CATSPERT: variants seen among roughly 807,000 people sequenced by gnomAD.
CATSPERT encodes the protein catsper channel auxiliary subunit tau, also known as cation channel sperm-associated targeting subunit tau.
At chr2:201,502,340 G>A in the CATSPERT span, among the ~76,000 whole-genome samples, 6 of 152,086 alleles carry the variant, frequency 3.9e-5, no homozygotes, top group Admixed American at 3.3e-4. Flanking sequence ...TTGGGAGGCC[G>A]ACATGGGAGG....
the CATSPERT span, among the ~76,000 whole-genome samples, chr2:201,563,135 G>A: frequency 1.7e-5 from 1 of 59,970 alleles, no homozygotes; most frequent in Non-Finnish European, 3.7e-5. Flanking sequence ...GCGGCTGGCC[G>A]GGCGGGGGGC....
At chr2:201,602,181 T>A in the CATSPERT span, among the ~76,000 whole-genome samples, 1 of 152,110 alleles carries the variant, frequency 6.6e-6, no homozygotes, top group Non-Finnish European at 1.5e-5. Context: ...ATATGCAATA[T>A]ATAGTTGAAA....
chr2:201,566,363 C>G, the CATSPERT span, among the ~76,000 whole-genome samples: 6 of 101,770 alleles, frequency 5.9e-5, no homozygotes, highest in East Asian at 1.1e-3. Context: ...CCCCTCCCCC[C>G]ACCCCTCACA....
At chr2:201,592,192 G>A in the CATSPERT span, among the ~76,000 whole-genome samples, 279 of 152,170 alleles carry the variant, frequency 1.8e-3, 1 homozygote, top group Non-Finnish European at 3.2e-3. Flanking sequence ...TAGCATGAAA[G>A]GTTGTTGAAT....
At chr2:201,494,565 G>T in the CATSPERT span, 1 of 1,536,944 alleles carries the variant, frequency 6.5e-7, no homozygotes, top group South Asian at 1.2e-5. Flanking sequence ...TAGGGTCATG[G>T]GCCCAGGTTG....
the CATSPERT span, among the ~76,000 whole-genome samples, chr2:201,563,411 G>C: frequency 1.8e-5 from 2 of 108,982 alleles, no homozygotes; most frequent in African/African-American, 3.4e-5. Flanking sequence ...CTGGCCGGGC[G>C]GGGGGCTGAC....
the CATSPERT span, chr2:201,603,122 T>C: frequency 4.6e-4 from 442 of 963,948 alleles, 1 homozygote; most frequent in African/African-American, 6.1e-3. Context: ...AAATGGTCAA[T>C]GTGTTAAGCC....
the CATSPERT span, among the ~76,000 whole-genome samples, chr2:201,515,825 GACTC>G: frequency 6.6e-6 from 1 of 152,168 alleles, no homozygotes; most frequent in Non-Finnish European, 1.5e-5. Context: ...AAATGGCAAG[GACTC>G]CTCTACATGT....
the CATSPERT span, among the ~76,000 whole-genome samples, chr2:201,526,412 G>A: frequency 6.6e-6 from 1 of 152,122 alleles, no homozygotes; most frequent in Non-Finnish European, 1.5e-5. Flanking sequence ...CAGCTACTCA[G>A]GAGGCTGAGG....
the CATSPERT span, among the ~76,000 whole-genome samples, chr2:201,572,679 G>GT: frequency 6.6e-6 from 1 of 151,816 alleles, no homozygotes; most frequent in African/African-American, 2.4e-5. Context: ...CACAAAAGGA[G>GT]TAAACAATTA....
chr2:201,494,142 G>C, the CATSPERT span: 1 of 1,532,450 alleles, frequency 6.5e-7, no homozygotes, highest in African/African-American at 1.4e-5. Flanking sequence ...AAAGCCAGTT[G>C]TTTAAATCTT....
chr2:201,610,652 A>T, the CATSPERT span, among the ~76,000 whole-genome samples: 1 of 152,174 alleles, frequency 6.6e-6, no homozygotes, highest in Non-Finnish European at 1.5e-5. Context: ...AGACAAGGAT[A>T]CAACAACAAA....
At chr2:201,540,447 T>C in the CATSPERT span, among the ~76,000 whole-genome samples, 106,398 of 152,064 alleles carry the variant, frequency 0.7, 38,093 homozygotes, top group East Asian at 0.96. Flanking sequence ...TAGCTGCTGA[T>C]TTTAAATTGA....
chr2:201,560,806 A>C, the CATSPERT span, among the ~76,000 whole-genome samples: 206 of 150,638 alleles, frequency 1.4e-3, 1 homozygote, highest in Middle Eastern at 0.017. Flanking sequence ...TTTTTGAGAC[A>C]GAGTCTTGTT....
the CATSPERT span, among the ~76,000 whole-genome samples, chr2:201,531,189 G>C: frequency 2.0e-5 from 3 of 151,660 alleles, no homozygotes; most frequent in Admixed American, 1.3e-4. Flanking sequence ...TTGATCTCCT[G>C]ACCTCGTGAT....
At chr2:201,491,162 T>C in the CATSPERT span, 1 of 1,514,054 alleles carries the variant, frequency 6.6e-7, no homozygotes, top group Non-Finnish European at 8.8e-7. Context: ...TAGAAAAACA[T>C]TATTACATGT....
chr2:201,603,638 T>C, the CATSPERT span, among the ~76,000 whole-genome samples: 1 of 152,216 alleles, frequency 6.6e-6, no homozygotes, highest in South Asian at 2.1e-4. Context: ...AAATGTGCCT[T>C]ATTTCAGACA....
At chr2:201,493,433 G>A in the CATSPERT span, 1 of 1,537,130 alleles carries the variant, frequency 6.5e-7, no homozygotes, top group Non-Finnish European at 8.7e-7. Context: ...GAATCCTTTA[G>A]GTTTCCTTTA....
the CATSPERT span, among the ~76,000 whole-genome samples, chr2:201,497,435 G>C: frequency 6.6e-6 from 1 of 152,090 alleles, no homozygotes; most frequent in Non-Finnish European, 1.5e-5. Flanking sequence ...AAGGCTCATT[G>C]CTTTAAATGA....
Sources: allele counts gnomAD v4.1 joint callset (sites outside exome capture counted in the v4.1 genomes callset), GRCh38; gene constraint gnomAD v4.1.1; transcripts MANE v1.5; gene names NCBI Gene and HGNC (gene_info 2026-07-23, HGNC 2026-07-21).